DCAF6: variants seen among roughly 807,000 people sequenced by gnomAD.
The protein encoded by DCAF6 is DDB1 and CUL4 associated factor 6.
Under a neutral mutation model 125.1 loss-of-function variants are expected in DCAF6, and 54 were observed. The ratio of observed to expected loss-of-function variants is 0.43; its 90% CI spans 0.35 to 0.54. The LOEUF (loss-of-function observed/expected upper bound fraction) is 0.54. Ranked by LOEUF, DCAF6 falls within the 20% of genes least tolerant of loss-of-function variation. The pLI is 0.01. For synonymous variants in DCAF6, 371 were observed against 390.4 expected, an observed-to-expected ratio of 0.95 and a Z score of 0.58; for missense variants, 934 against 1,161.7, an observed-to-expected ratio of 0.80 and a Z score of 2.85.
the DCAF6 span, among the ~76,000 whole-genome samples, chr1:167,906,143 C>A: frequency 1.3e-5 from 2 of 151,536 alleles, no homozygotes; most frequent in South Asian, 2.1e-4. Flanking sequence ...CGCTTATATC[C>A]CTTAGATTTA....
upstream of DCAF6, chr1:167,936,563 C>G (rs1248543718): frequency 3.5e-6 from 1 of 288,290 alleles, no homozygotes; most frequent in Non-Finnish European, 6.6e-6. Context: ...GTCGTCATCT[C>G]GCGAGAAAGG....
chr1:167,933,169 GT>G (rs112730724), upstream of DCAF6, among the ~76,000 whole-genome samples: 15,268 of 139,132 alleles, frequency 0.11, 817 homozygotes, highest in African/African-American at 0.18. Flanking sequence ...AAACACATTA[GT>G]TTTTTTTTTT....
At chr1:167,900,189 A>T in the DCAF6 span, among the ~76,000 whole-genome samples, 1,704 of 152,372 alleles carry the variant, frequency 0.011, 32 homozygotes, top group African/African-American at 0.031. Flanking sequence ...CACAAAATAT[A>T]TGTATAAATG....
At chr1:168,036,855 G>T (rs1398343319) in intron 12 of DCAF6, among the ~76,000 whole-genome samples, 1 of 152,088 alleles carries the variant, frequency 6.6e-6, no homozygotes, top group East Asian at 1.9e-4. Flanking sequence ...AACAAAAATA[G>T]TACAGAAACA....
rs1415636571 is a variant in DCAF6, at chr1:168,023,015, A to T, written c.1577A>T (p.Gln526Leu). Residue 526 changes from glutamine (Q) to leucine (L), a missense_variant, in exon 12 of 22, where the codon CAG becomes CTG. Gln to Leu is a moderately radical substitution (Grantham distance 113, BLOSUM62 -2). This residue lies in a region of DCAF6 where 559 missense variants were observed against 635.5 expected (regional missense o/e 0.88). Coordinates refer to ENST00000367840, the MANE Select transcript of DCAF6 (RefSeq NM_001198956.2). ...SDSPSSVVNK[Q>L]LGSMSLDEQQ... ...TCTCCTTCTTCTGTGGTTAACAAACAGCTCGGATCCATGTCACTTGACGAG... is the reference window on the plus strand; with the variant it reads ...TCTCCTTCTTCTGTGGTTAACAAACTGCTCGGATCCATGTCACTTGACGAG... 6.2e-7 allele frequency: 1 copy of T among 1,614,228 alleles called. No homozygotes were observed. Among genetic ancestry groups the T allele is most frequent in the South Asian group, 1.1e-5 (1 of 91,088 alleles).
At chr1:168,046,563 G>GAGA (rs1473783449) in intron 16 of DCAF6, among the ~76,000 whole-genome samples, 1 of 152,106 alleles carries the variant, frequency 6.6e-6, no homozygotes, top group African/African-American at 2.4e-5. Flanking sequence ...TATACTTAGA[G>GAGA]ATTAATCAAA....
At chr1:168,054,409 A>G (rs141386398) in intron 17 of DCAF6, among the ~76,000 whole-genome samples, 551 of 152,256 alleles carry the variant, frequency 3.6e-3, no homozygotes, top group Non-Finnish European at 6.5e-3. Context: ...CTATTAATCT[A>G]TAAGTGAATT....
At chr1:168,039,320 T>G (rs1688204816) in intron 13 of DCAF6, among the ~76,000 whole-genome samples, 1 of 151,790 alleles carries the variant, frequency 6.6e-6, no homozygotes, top group East Asian at 1.9e-4. Context: ...ATATTTGATT[T>G]AAAAATACTT....
the DCAF6 span, among the ~76,000 whole-genome samples, chr1:167,872,712 T>A: frequency 6.7e-6 from 1 of 150,290 alleles, no homozygotes; most frequent in Non-Finnish European, 1.5e-5. Context: ...AGGAAAGGTA[T>A]GTGGACCTGA....
chr1:168,072,812 T>C (rs534152183), intron 21 of DCAF6, among the ~76,000 whole-genome samples: 7 of 152,336 alleles, frequency 4.6e-5, no homozygotes, highest in Admixed American at 4.6e-4. Flanking sequence ...TTTTTTCTTA[T>C]CTACCTTCCC....
At chr1:167,925,272 C>T in the DCAF6 span, among the ~76,000 whole-genome samples, 2 of 151,564 alleles carry the variant, frequency 1.3e-5, no homozygotes, top group Admixed American at 6.6e-5. Context: ...ATGACTTTCT[C>T]GAAGCTAGTG....
At chr1:168,059,333 A>G (rs1691295011) in intron 17 of DCAF6, among the ~76,000 whole-genome samples, 1 of 152,196 alleles carries the variant, frequency 6.6e-6, no homozygotes, top group African/African-American at 2.4e-5. Context: ...TTTATATAAA[A>G]CAGATTTGTT....
chr1:167,896,222 A>G, the DCAF6 span, among the ~76,000 whole-genome samples: 1 of 152,370 alleles, frequency 6.6e-6, no homozygotes, highest in Non-Finnish European at 1.5e-5. Flanking sequence ...GGATGAATAA[A>G]TAAATAAGGG....
intron 10 of DCAF6, among the ~76,000 whole-genome samples, chr1:168,011,163 C>CTG (rs1684231928): frequency 7.3e-6 from 1 of 137,290 alleles, no homozygotes; most frequent in African/African-American, 2.8e-5. Flanking sequence ...TGTCACCAGG[C>CTG]TGGAGTGCAG....
intron 16 of DCAF6, among the ~76,000 whole-genome samples, chr1:168,049,433 T>TG (rs1423995685): frequency 0.029 from 3,613 of 123,144 alleles, 47 homozygotes; most frequent in African/African-American, 0.06. Context: ...TTGTTGTTGT[T>TG]TTTTTTTTTT....
the DCAF6 span, among the ~76,000 whole-genome samples, chr1:167,875,418 G>T: frequency 5.1e-5 from 3 of 59,246 alleles, no homozygotes; most frequent in South Asian, 9.8e-4. Context: ...CTGGCACATT[G>T]TTCAATAAAT....
At chr1:167,888,199 T>G in the DCAF6 span, among the ~76,000 whole-genome samples, 1 of 152,254 alleles carries the variant, frequency 6.6e-6, no homozygotes, top group South Asian at 2.1e-4. Flanking sequence ...TAATTTGAAG[T>G]CAGATAATAT....
rs377260259 is a variant in DCAF6 at position 167,981,650 on chromosome 1, T to C, written c.439-5845T>C. On this transcript the variant is annotated intron_variant, in intron 4 of 21. Coordinates refer to ENST00000367840, the MANE Select transcript of DCAF6 (RefSeq NM_001198956.2). ...TGCTGTATTTGGTTTTCTGTTCCTG[T>C]GTTAATTTGCTTAGGATAATAGCCT... Among the ~76,000 whole-genome samples the C allele has an allele frequency of 5.3e-5, 8 of 152,314 alleles. No individual in the cohort carries two copies. In the East Asian group the frequency reaches 1.4e-3, roughly 26 times the overall value.
Position 168,065,573 on chromosome 1 carries a change from T to A in DCAF6, c.2440-17T>A, listed in dbSNP as rs766935555. On this transcript the variant is annotated splice_polypyrimidine_tract_variant and intron_variant, in intron 18 of 21. Coordinates refer to ENST00000367840, the MANE Select transcript of DCAF6 (RefSeq NM_001198956.2). ...AACTTTGATTTGAATTTTTAAATAA[T>A]TTTTTTTAACCCTTAGATAAAAGAA... 1 of 1,453,802 alleles carries A rather than the reference T, an allele frequency of 6.9e-7. No homozygotes were observed. Among genetic ancestry groups the A allele is most frequent in the South Asian group, 1.3e-5 (1 of 75,080 alleles). 90.1% of individuals were successfully genotyped at this position (1,453,802 alleles called of 1,614,324 possible).
Sources: gnomAD v4.1 joint callset for allele counts (sites outside exome capture counted in the v4.1 genomes callset) on GRCh38, gnomAD v4.1.1 for gene constraint, gnomAD v4.1.1 regional missense constraint, MANE v1.5 for transcripts, NCBI Gene and HGNC (gene_info 2026-07-23, HGNC 2026-07-21) for gene names.